Variants in GALNT13 observed in about 807,000 individuals in gnomAD.
GALNT13 encodes the protein polypeptide N-acetylgalactosaminyltransferase 13.
A neutral mutation model predicts 64.2 loss-of-function variants in GALNT13; 28 were observed. The observed-to-expected ratio is 0.44, with a 90% CI of 0.32 to 0.60. The LOEUF (loss-of-function observed/expected upper bound fraction) is 0.60. GALNT13 is among the 20% of genes least tolerant of loss of function. The probability of loss-of-function intolerance (pLI) is 0.05; values close to 1 mark genes in which losing one functional copy is unlikely to be tolerated. For synonymous variants in GALNT13, 214 were observed against 224.6 expected (o/e 0.95, Z 0.42); for missense variants, 577 against 669.8 (o/e 0.86, Z 1.53).
chr2:153,284,144 GA>G, the GALNT13 span, among the ~76,000 whole-genome samples: 1 of 152,172 alleles, frequency 6.6e-6, no homozygotes, highest in Non-Finnish European at 1.5e-5. Context: ...GCCTGGGGGT[GA>G]AATGAAGAGA....
chr2:153,227,145 CAACA>C, the GALNT13 span, among the ~76,000 whole-genome samples: 1 of 152,086 alleles, frequency 6.6e-6, no homozygotes, highest in African/African-American at 2.4e-5. Context: ...GGAAAGACAT[CAACA>C]GAATGAGAAT....
At chr2:153,515,274 G>A in the GALNT13 span, among the ~76,000 whole-genome samples, 32 of 152,170 alleles carry the variant, frequency 2.1e-4, no homozygotes, top group African/African-American at 5.8e-4. Flanking sequence ...TTCCCAGCCC[G>A]ATGACCCCAC....
the GALNT13 span, among the ~76,000 whole-genome samples, chr2:153,256,472 A>T: frequency 1.3e-5 from 2 of 152,070 alleles, no homozygotes; most frequent in African/African-American, 2.4e-5. Flanking sequence ...CAGCTCCTCA[A>T]CGTCATTCTC....
the GALNT13 span, among the ~76,000 whole-genome samples, chr2:153,742,020 A>C: frequency 6.6e-6 from 1 of 152,170 alleles, no homozygotes; most frequent in Non-Finnish European, 1.5e-5. Flanking sequence ...TTTGAAATGT[A>C]CAAGATGTGA....
intron 1 of GALNT13, among the ~76,000 whole-genome samples, chr2:153,888,960 G>T (rs530937758): frequency 3.3e-5 from 5 of 152,036 alleles, no homozygotes; most frequent in African/African-American, 9.6e-5. Context: ...GTTTTCCATA[G>T]TTATAAAATA....
the GALNT13 span, among the ~76,000 whole-genome samples, chr2:153,670,400 G>A: frequency 6.6e-6 from 1 of 152,150 alleles, no homozygotes; most frequent in Admixed American, 6.5e-5. Flanking sequence ...GTGATACCCA[G>A]GCAAACAGGG....
the GALNT13 span, among the ~76,000 whole-genome samples, chr2:153,600,851 A>G: frequency 6.6e-6 from 1 of 151,992 alleles, no homozygotes; most frequent in Non-Finnish European, 1.5e-5. Flanking sequence ...ATAGGCTGAG[A>G]GACTTCTAAA....
At chr2:153,393,819 A>G in the GALNT13 span, among the ~76,000 whole-genome samples, 3 of 152,030 alleles carry the variant, frequency 2.0e-5, no homozygotes, top group African/African-American at 7.2e-5. Context: ...CTTGTACTCA[A>G]GATGCGACAT....
At chr2:153,760,963 C>T in the GALNT13 span, among the ~76,000 whole-genome samples, 1 of 152,058 alleles carries the variant, frequency 6.6e-6, no homozygotes, top group Non-Finnish European at 1.5e-5. Context: ...TAGATTTATC[C>T]TTAAACATTA....
At chr2:153,403,788 C>G in the GALNT13 span, among the ~76,000 whole-genome samples, 1 of 152,140 alleles carries the variant, frequency 6.6e-6, no homozygotes, top group Non-Finnish European at 1.5e-5. Flanking sequence ...TGCTTCGGCT[C>G]GTGCACGGTG....
intron 4 of GALNT13, among the ~76,000 whole-genome samples, chr2:154,224,860 T>C (rs2105830158): frequency 6.6e-6 from 1 of 152,162 alleles, no homozygotes; most frequent in Non-Finnish European, 1.5e-5. Context: ...ATACTGCACA[T>C]GCAACAGAAG....
chr2:153,297,594 G>A, the GALNT13 span, among the ~76,000 whole-genome samples: 198 of 152,306 alleles, frequency 1.3e-3, 6 homozygotes, highest in East Asian at 0.036. Flanking sequence ...GAAATGATAA[G>A]TGTGAACATT....
chr2:153,083,951 A>G, the GALNT13 span, among the ~76,000 whole-genome samples: 1 of 152,216 alleles, frequency 6.6e-6, no homozygotes, highest in African/African-American at 2.4e-5. Flanking sequence ...ATTCTTCTAC[A>G]TGTGGCTTGC....
intron 3 of GALNT13, among the ~76,000 whole-genome samples, chr2:153,954,906 A>G (rs1332092964): frequency 7.9e-5 from 12 of 152,082 alleles, no homozygotes; most frequent in Admixed American, 1.3e-4. Flanking sequence ...CAAAGTAATC[A>G]TAACATTTAT....
At chr2:154,315,971 C>G (rs1574075323) in intron 9 of GALNT13, among the ~76,000 whole-genome samples, 1 of 152,178 alleles carries the variant, frequency 6.6e-6, no homozygotes, top group East Asian at 1.9e-4. Flanking sequence ...GCCTGTAATC[C>G]CAGCTACTCA....
At chr2:153,636,389 A>G in the GALNT13 span, among the ~76,000 whole-genome samples, 1 of 152,186 alleles carries the variant, frequency 6.6e-6, no homozygotes, top group East Asian at 1.9e-4. Context: ...CAACTATTTT[A>G]AAAACAGAAA....
chr2:154,442,965 T>A (rs1701378363), intron 12 of GALNT13, among the ~76,000 whole-genome samples: 1 of 152,118 alleles, frequency 6.6e-6, no homozygotes, highest in African/African-American at 2.4e-5. Flanking sequence ...ATATAAGGAA[T>A]TTTTTTCCAT....
At chr2:154,159,102 CT>C (rs913764034) in intron 4 of GALNT13, among the ~76,000 whole-genome samples, 16 of 151,658 alleles carry the variant, frequency 1.1e-4, no homozygotes, top group Admixed American at 3.3e-4. Flanking sequence ...ATGCAGTGGT[CT>C]TTTTTATTAT....
At chr2:153,842,103 G>T in the GALNT13 span, among the ~76,000 whole-genome samples, 1 of 150,110 alleles carries the variant, frequency 6.7e-6, no homozygotes, top group Non-Finnish European at 1.5e-5. Context: ...TTCTGCTATT[G>T]AAAAAAAGTA....
Sources: gnomAD v4.1 joint callset for allele counts (sites outside exome capture counted in the v4.1 genomes callset) on GRCh38, gnomAD v4.1.1 for gene constraint, MANE v1.5 for transcripts, NCBI Gene and HGNC (gene_info 2026-07-23, HGNC 2026-07-21) for gene names.